ABCC8: variants seen among roughly 807,000 people sequenced by gnomAD.
ABCC8 encodes the protein ATP-binding cassette sub-family C member 8.
A neutral mutation model predicts 188.0 loss-of-function variants in ABCC8; 137 were observed. That is an observed-to-expected ratio of 0.73 (90% CI 0.63 to 0.84). ABCC8 has a LOEUF of 0.84. Ranked by LOEUF, ABCC8 falls within the 40% of genes least tolerant of loss-of-function variation. The pLI, the probability that ABCC8 is intolerant of heterozygous loss-of-function variation, is 0.00. For missense variants in ABCC8, 1,750 were observed against 2,072.7 expected, an observed-to-expected ratio of 0.84 and a Z score of 3.02; for synonymous variants, 797 against 846.5, an observed-to-expected ratio of 0.94 and a Z score of 1.01.
intron 16 of ABCC8, among the ~76,000 whole-genome samples, chr11:17,420,388 C>G (rs1252294916): frequency 2.6e-5 from 4 of 152,184 alleles, no homozygotes; most frequent in African/African-American, 9.7e-5. Context: ...AGGACTACAG[C>G]CAGGGGCCAT....
intron 10 of ABCC8, chr11:17,436,116 G>T (rs1383321840): frequency 2.5e-6 from 2 of 805,364 alleles, no homozygotes; most frequent in African/African-American, 3.4e-5. Flanking sequence ...TTCTGGTACA[G>T]AGCTGAGGGC....
intron 7 of ABCC8, among the ~76,000 whole-genome samples, chr11:17,449,222 G>C (rs1172277622): frequency 1.3e-5 from 2 of 152,122 alleles, no homozygotes; most frequent in Admixed American, 1.3e-4. Context: ...CACCGCACCC[G>C]GTCTGTTCTT....
chr11:17,441,254 G>C (rs1418182365), intron 10 of ABCC8, among the ~76,000 whole-genome samples: 1 of 152,134 alleles, frequency 6.6e-6, no homozygotes, highest in African/African-American at 2.4e-5. Flanking sequence ...CCAGCTCTTT[G>C]TGGAAAATAG....
At chr11:17,410,313 T>TGTGGGTCTAG in intron 22 of ABCC8, 1 of 596,450 alleles carries the variant, frequency 1.7e-6, no homozygotes, top group Non-Finnish European at 3.0e-6. Flanking sequence ...GGGGAGTGTC[T>TGTGGGTCTAG]GTGGGTCTAG....
intron 8 of ABCC8, among the ~76,000 whole-genome samples, chr11:17,447,955 T>C (rs750206159): frequency 1.2e-3 from 179 of 152,226 alleles, no homozygotes; most frequent in Non-Finnish European, 2.2e-4. Flanking sequence ...ATACATAACA[T>C]ATATTCCAGT....
intron 16 of ABCC8, among the ~76,000 whole-genome samples, chr11:17,423,604 G>A (rs1955451444): frequency 6.6e-6 from 1 of 152,154 alleles, no homozygotes; most frequent in Admixed American, 6.5e-5. Flanking sequence ...AGAGCAAAGA[G>A]GATCCTGGAG....
At chr11:17,464,924 G>T (rs1848056915) in intron 3 of ABCC8, among the ~76,000 whole-genome samples, 1 of 152,344 alleles carries the variant, frequency 6.6e-6, no homozygotes, top group East Asian at 1.9e-4. Flanking sequence ...CTATCCCTAT[G>T]TGGGCCTGGG....
intron 6 of ABCC8, among the ~76,000 whole-genome samples, chr11:17,456,516 C>T (rs533842109): frequency 1.3e-5 from 2 of 152,270 alleles, no homozygotes; most frequent in East Asian, 3.9e-4. Flanking sequence ...CTCTTGTTTC[C>T]TATTTTGGCA....
chr11:17,395,872 C>T lies in ABCC8; in HGVS notation c.4178G>A (p.Arg1393His), dbSNP rs769279368. ...GKSSFSLAFF[R>H]MVDTFEGHII... ...CTCACCTTCGAACGTGTCCACCATG[C>T]GGAAGAAGGCAAGAGAGAAGGAGGA... is the stretch of plus-strand genomic sequence containing the variant. Residue 1393 changes from arginine (R) to histidine (H), a missense_variant, in exon 34 of 39, where the codon CGC (arginine) becomes CAC (histidine). Transcript: ENST00000389817. 58 of 1,587,094 alleles carry T rather than the reference C, an allele frequency of 3.7e-5. No individual in the cohort carries two copies. Among genetic ancestry groups the T allele is most frequent in the Non-Finnish European group, 4.0e-5 (47 of 1,165,934 alleles).
At chr11:17,442,638 A>C (rs1591832187) in intron 10 of ABCC8, 82 bp downstream of exon 10, 1 of 1,399,188 alleles carries the variant, frequency 7.1e-7, no homozygotes, top group Non-Finnish European at 1.0e-6. Flanking sequence ...CTGTCCCTGC[A>C]CCCCCTCTTA....
chr11:17,430,569 T>G, intron 12 of ABCC8: 1 of 546,644 alleles, frequency 1.8e-6, no homozygotes, highest in Non-Finnish European at 3.3e-6. Flanking sequence ...TTTTAAGTTG[T>G]CGTGAAAGTG....
rs17846743 is a variant in ABCC8, at chr11:17,398,312, G to T, written c.3753+27C>A. On this transcript the variant is annotated intron_variant, in intron 30 of 38. Transcript: ENST00000389817. Reference sequence around the variant, plus strand: ...CTCTGGCCCCACCCTCCTATCAGAGGCCAGGGTAGAGGGGAATAGCACTTG... The same window carrying T: ...CTCTGGCCCCACCCTCCTATCAGAGTCCAGGGTAGAGGGGAATAGCACTTG... 5.6e-6 allele frequency: 9 copies of T among 1,613,692 alleles called. No homozygotes were observed. The East Asian group carries it at 2.0e-4, about 36-fold the overall frequency.
intron 3 of ABCC8, 126 bp downstream of exon 3, chr11:17,469,975 T>A: frequency 8.0e-7 from 1 of 1,252,228 alleles, no homozygotes. Context: ...AAGGCAGGGA[T>A]TTTTTTCTTT....
chr11:17,445,137 C>T (rs946811145), intron 8 of ABCC8, among the ~76,000 whole-genome samples: 1 of 152,234 alleles, frequency 6.6e-6, no homozygotes, highest in African/African-American at 2.4e-5. Flanking sequence ...ACCCAGGAGA[C>T]TGGGAAACAC....
At chr11:17,410,460 C>A (rs1954754083) in intron 22 of ABCC8, 56 bp downstream of exon 22, 6 of 1,587,136 alleles carry the variant, frequency 3.8e-6, no homozygotes, top group Non-Finnish European at 5.2e-6. Context: ...TGCCAAGATG[C>A]CTGACAGCCT....
At position 17,448,579 on chromosome 11, in the gene ABCC8, G is replaced by A. The variant is rs370169777; in HGVS notation, c.1269C>T (p.Ile423=). The change falls in exon 8 of 39, where the codon ATC becomes ATT. Residue 423 remains isoleucine, a synonymous_variant. Coordinates refer to ENST00000389817, the MANE Select transcript of ABCC8 (RefSeq NM_000352.6). ...AAAACCACATGAGCTGATTGGTGTCGATGGCAACCAGATTACAGATCTGTC... is the reference window on the plus strand; with the variant it reads ...AAAACCACATGAGCTGATTGGTGTCAATGGCAACCAGATTACAGATCTGTC... ...TAGQICNLVA[I]DTNQLMWFFF... is the part of the protein sequence containing the mutation. 1.1e-5 allele frequency: 17 copies of A among 1,614,046 alleles called. No individual in the cohort carries two copies. Among genetic ancestry groups the A allele is most frequent in the African/African-American group, 5.3e-5 (4 of 74,928 alleles).
Position 17,396,991 on chromosome 11 carries a change from G to T in ABCC8, c.4044C>A (p.Asn1348Lys). ...WPDQGKIQIQ[N>K]LSVRYDSSLK... ...GGGAGCTGTCGTAGCGCACGCTCAG[G>T]TTCTGGATCTGGATCTTCCCTTGGT... is the stretch of plus-strand genomic sequence containing the variant. Residue 1348 changes from asparagine to lysine, a missense_variant, in exon 33 of 39, where the codon AAC (asparagine) becomes AAA (lysine). Transcript: ENST00000389817. 1 of 1,614,214 alleles carries T rather than the reference G, an allele frequency of 6.2e-7. No homozygotes were observed. Among genetic ancestry groups the T allele is most frequent in the Non-Finnish European group, 8.5e-7 (1 of 1,180,030 alleles).
intron 17 of ABCC8, among the ~76,000 whole-genome samples, chr11:17,415,817 G>A (rs576220686): frequency 1.2e-3 from 187 of 152,332 alleles, no homozygotes; most frequent in African/African-American, 4.3e-3. Flanking sequence ...CTGGGAACCC[G>A]CAGCCCTGGA....
chr11:17,395,672 G>T lies in ABCC8; in HGVS notation c.4245C>A (p.His1415Gln). 6.4e-7 allele frequency: 1 copy of T among 1,560,794 alleles called. No homozygotes were observed. The highest frequency in any genetic ancestry group is 2.4e-5 in the East Asian group (1 of 41,966). ...DGIDIAKLPL[H>Q]TLRSRLSIIL... ...TGATGGAGAGGCGTGAGCGCAGGGT[G>T]TGCAGCGGCAGTTTGGCGATGTCAA... The change falls in exon 35 of 39, where the codon CAC becomes CAA. Residue 1415 changes from histidine to glutamine, a missense_variant. Transcript: ENST00000389817.
Sources: allele counts gnomAD v4.1 joint callset (sites outside exome capture counted in the v4.1 genomes callset), GRCh38; gene constraint gnomAD v4.1.1; transcripts MANE v1.5; gene names NCBI Gene and HGNC (gene_info 2026-07-23, HGNC 2026-07-21).